ANK2: variants seen among roughly 807,000 people sequenced by gnomAD.
ANK2 encodes the protein ankyrin-2.
ANK2 carries 83 observed loss-of-function variants against 360.5 expected under a neutral mutation model. That is an observed-to-expected ratio of 0.23 (90% CI 0.19 to 0.28). The LOEUF is 0.28. Ranked by LOEUF, ANK2 falls within the 10% of genes least tolerant of loss-of-function variation. The pLI, the probability that ANK2 is intolerant of heterozygous loss-of-function variation, is 1.00. For missense variants in ANK2, 4,201 were observed against 4,795.7 expected (o/e 0.88, Z 3.66); for synonymous variants, 1,740 against 1,759.5 (o/e 0.99, Z 0.28).
rs1460940236 is a variant in ANK2, at chr4:113,117,309, C to A, written c.85-57107C>A. 8.8e-6 allele frequency: 4 copies of A among 455,834 alleles called. No homozygotes were observed. In the Admixed American group the frequency reaches 9.4e-5, roughly 11 times the overall value. The allele number at this position is 455,834 out of a possible 1,614,324, so 28.2% of individuals were successfully genotyped here. On this transcript the variant is annotated intron_variant, in intron 1 of 45. Transcript: ENST00000357077. ...TGCAAAATGGCTCACGCTGCTGCTT[C>A]TATTAAAAAAGTTCGAGAGGCTGAT...
At chr4:113,146,480 T>A (rs561556643) in intron 1 of ANK2, among the ~76,000 whole-genome samples, 1 of 152,342 alleles carries the variant, frequency 6.6e-6, no homozygotes, top group East Asian at 1.9e-4. Flanking sequence ...AATATTTGAC[T>A]AACTTCAGTG....
At chr4:113,155,097 A>G (rs1031626622) in intron 1 of ANK2, among the ~76,000 whole-genome samples, 1 of 152,226 alleles carries the variant, frequency 6.6e-6, no homozygotes, top group African/African-American at 2.4e-5. Context: ...ATCATCAATA[A>G]TAGCTATCAT....
At chr4:112,791,655 A>AT in the ANK2 span, among the ~76,000 whole-genome samples, 7 of 150,390 alleles carry the variant, frequency 4.7e-5, no homozygotes, top group South Asian at 8.4e-4. Context: ...CGCCCAGTTA[A>AT]TTTTTTTTTG....
At chr4:113,012,401 G>T (rs2055057000) in intron 2 of ANK2, among the ~76,000 whole-genome samples, 2 of 152,118 alleles carry the variant, frequency 1.3e-5, no homozygotes, top group South Asian at 2.1e-4. Flanking sequence ...ATCCTGTTGA[G>T]AATGCGATAG....
chr4:113,269,452 G>A (rs946365911), intron 14 of ANK2, among the ~76,000 whole-genome samples: 1 of 152,268 alleles, frequency 6.6e-6, no homozygotes, highest in East Asian at 1.9e-4. Context: ...AAGACCATGG[G>A]AAATGCGTAG....
At position 113,236,563 on chromosome 4, in the gene ANK2, C is replaced by T. The variant is rs78909538; in HGVS notation, c.484-424C>T. ...AGATATATTTAATAACCTGCATAGTCAATCATATATTTTATTTCCCTGTCT... is the reference window on the plus strand; with the variant it reads ...AGATATATTTAATAACCTGCATAGTTAATCATATATTTTATTTCCCTGTCT... On this transcript the variant is annotated intron_variant, in intron 5 of 45. Coordinates refer to ENST00000357077, the MANE Select transcript of ANK2 (RefSeq NM_001148.6). Among the ~76,000 whole-genome samples, 356 of 152,276 alleles carry T rather than the reference C, an allele frequency of 2.3e-3. 1 individual carries two copies. The highest frequency in any genetic ancestry group is 7.9e-3 in the African/African-American group (327 of 41,562).
intron 14 of ANK2, 97 bp downstream of exon 14, chr4:113,265,092 C>A: frequency 8.9e-7 from 1 of 1,128,676 alleles, no homozygotes; most frequent in Non-Finnish European, 1.3e-6. Flanking sequence ...TTGGAAATAC[C>A]AGGGACTGTA....
Position 113,317,377 on chromosome 4 carries a change from T to A in ANK2, c.2694-330T>A, listed in dbSNP as rs1588071828. The A allele has an allele frequency of 6.6e-5, 25 of 376,674 alleles. 1 individual carries two copies. The highest frequency in any genetic ancestry group is 5.9e-4 in the South Asian group (25 of 42,488). 23.3% of individuals were successfully genotyped at this position (376,674 alleles called of 1,614,324 possible). A position where few individuals can be genotyped will look rare whatever the true frequency, so the allele number is the denominator to read the frequency against. The stretch of plus-strand genomic sequence containing the variant: ...TTTAAGCAATCTATCCTGGAATTAT[T>A]TCCTGAGTGAATTTCTGGTACTGGC... On this transcript the variant is annotated intron_variant, in intron 24 of 45. Coordinates refer to ENST00000357077, the MANE Select transcript of ANK2 (RefSeq NM_001148.6).
chr4:112,871,710 T>C (rs2073109520), intron 1 of ANK2, among the ~76,000 whole-genome samples: 2 of 152,204 alleles, frequency 1.3e-5, no homozygotes. Context: ...CTTTCACCAT[T>C]AAGTATGATG....
At chr4:113,348,433 A>C in intron 36 of ANK2, 125 bp downstream of exon 36, 1 of 969,310 alleles carries the variant, frequency 1.0e-6, no homozygotes, top group Non-Finnish European at 1.6e-6. Context: ...AAGGGGCACA[A>C]TTTTACTTAA....
intron 1 of ANK2, among the ~76,000 whole-genome samples, chr4:112,856,856 CTT>C (rs577447554): frequency 2.2e-3 from 329 of 152,324 alleles, no homozygotes; most frequent in African/African-American, 7.4e-3. Flanking sequence ...GGGGTCAACT[CTT>C]AATATAGCAA....
intron 3 of ANK2, among the ~76,000 whole-genome samples, chr4:113,197,992 C>T (rs2098774679): frequency 6.6e-6 from 1 of 152,172 alleles, no homozygotes; most frequent in African/African-American, 2.4e-5. Context: ...TGTACAACCC[C>T]ACCATCTATT....
chr4:113,282,663 T>C lies in ANK2; in HGVS notation c.1882-12T>C. On this transcript the variant is annotated splice_polypyrimidine_tract_variant and intron_variant, in intron 17 of 45. Transcript: ENST00000357077. ...ACTCTATATGCATGTGTTTTATTTT[T>C]GTTCTTTTTAGAATGGCTATACTCC... is the stretch of plus-strand genomic sequence containing the variant. 1 of 1,600,026 alleles carries C rather than the reference T, an allele frequency of 6.2e-7. No individual in the cohort carries two copies. Among genetic ancestry groups the C allele is most frequent in the Non-Finnish European group, 8.5e-7 (1 of 1,170,084 alleles).
At chr4:113,029,725 C>T (rs1233286926) in intron 2 of ANK2, among the ~76,000 whole-genome samples, 2 of 152,010 alleles carry the variant, frequency 1.3e-5, no homozygotes, top group African/African-American at 4.8e-5. Context: ...CTTGTTCTTG[C>T]CAGTGCTTGC....
chr4:112,802,569 G>A, the ANK2 span, among the ~76,000 whole-genome samples: 1 of 152,166 alleles, frequency 6.6e-6, no homozygotes, highest in Non-Finnish European at 1.5e-5. Flanking sequence ...TTAGGTGGAG[G>A]AGAGGGGCAT....
Position 113,355,673 on chromosome 4 carries a change from G to A in ANK2, c.7055G>A (p.Gly2352Asp). 1 of 1,613,910 alleles carries A rather than the reference G, an allele frequency of 6.2e-7. No homozygotes were observed. Among genetic ancestry groups the A allele is most frequent in the Non-Finnish European group, 8.5e-7 (1 of 1,179,834 alleles). ...ACTGAGGAGGCAGCCTGTGATGAAG[G>A]TCAACGTACCTTTGGTAGTTCAGCC... Reference protein sequence around the residue: ...GLTEEAACDEGQRTFGSSAHK... With the variant: ...GLTEEAACDEDQRTFGSSAHK... The change falls in exon 38 of 46, where the codon GGT (glycine) becomes GAT (aspartate). Residue 2352 changes from glycine to aspartate, a missense_variant. Physicochemically the swap from Gly to Asp is moderately conservative, Grantham distance 94 (BLOSUM62 -1). This residue lies in a region of ANK2 where 2,642 missense variants were observed against 2,714.5 expected (regional missense o/e 0.97). Transcript: ENST00000357077.
chr4:113,295,020 T>C (rs1259071189), intron 22 of ANK2, among the ~76,000 whole-genome samples: 1 of 152,222 alleles, frequency 6.6e-6, no homozygotes, highest in East Asian at 1.9e-4. Flanking sequence ...TTAGAAGTCA[T>C]GTTTTCTCTC....
chr4:112,781,760 C>T, the ANK2 span, among the ~76,000 whole-genome samples: 6 of 150,018 alleles, frequency 4.0e-5, no homozygotes, highest in East Asian at 9.7e-4. Context: ...ACACAAGCAA[C>T]GAATTTTAAC....
chr4:112,993,971 G>A (rs1259399870), intron 2 of ANK2, among the ~76,000 whole-genome samples: 1 of 152,118 alleles, frequency 6.6e-6, no homozygotes, highest in African/African-American at 2.4e-5. Context: ...GCCTCCCAAA[G>A]TGCTGGGATT....
Sources: allele counts gnomAD v4.1 joint callset (sites outside exome capture counted in the v4.1 genomes callset), GRCh38; gene constraint gnomAD v4.1.1; regional missense constraint gnomAD v4.1.1; transcripts MANE v1.5; gene names NCBI Gene and HGNC (gene_info 2026-07-23, HGNC 2026-07-21).